The following ADD1 variants were observed in gnomAD, a reference collection of about 807,000 sequenced individuals.
The protein encoded by ADD1 is alpha-adducin.
ADD1 carries 24 observed loss-of-function variants against 80.5 expected under a neutral mutation model. The ratio of observed to expected loss-of-function variants is 0.30; its 90% CI spans 0.22 to 0.42. The LOEUF is 0.42. ADD1 is among the 10% of genes least tolerant of loss of function. The pLI, the probability that ADD1 is intolerant of heterozygous loss-of-function variation, is 1.00. For missense variants in ADD1, 948 were observed against 1,019.0 expected, an observed-to-expected ratio of 0.93 and a Z score of 0.95; for synonymous variants, 373 against 393.8, an observed-to-expected ratio of 0.95 and a Z score of 0.63.
chr4:2,885,101 C>A (rs949272577), intron 4 of ADD1, among the ~76,000 whole-genome samples: 1 of 152,114 alleles, frequency 6.6e-6, no homozygotes, highest in Non-Finnish European at 1.5e-5. Flanking sequence ...TTCTCTGGAC[C>A]AAGCGCTGTT....
intron 5 of ADD1, 57 bp from the exon 6 acceptor site, chr4:2,894,525 A>G (rs1333560773): frequency 4.1e-6 from 6 of 1,461,612 alleles, no homozygotes; most frequent in Non-Finnish European, 4.6e-6. Flanking sequence ...AAAAAAAAAA[A>G]GAAAAGAAAA....
intron 3 of ADD1, among the ~76,000 whole-genome samples, chr4:2,882,989 A>G (rs1577548924): frequency 6.6e-6 from 1 of 152,174 alleles, no homozygotes; most frequent in Non-Finnish European, 1.5e-5. Context: ...AGCCTCCTGA[A>G]TAGCTGAGAT....
chr4:2,903,346 A>G (rs1330617884), intron 9 of ADD1, among the ~76,000 whole-genome samples: 1 of 152,222 alleles, frequency 6.6e-6, no homozygotes, highest in Non-Finnish European at 1.5e-5. Context: ...GTGCTGGGCA[A>G]CAAATCACTA....
chr4:2,915,880 C>T (rs781769254), intron 14 of ADD1, among the ~76,000 whole-genome samples: 6 of 152,100 alleles, frequency 3.9e-5, no homozygotes, highest in South Asian at 2.1e-4. Flanking sequence ...GTGTAAATGA[C>T]GATGTGGAGG....
chr4:2,888,515 A>G (rs937730921), intron 4 of ADD1, among the ~76,000 whole-genome samples: 21 of 151,760 alleles, frequency 1.4e-4, no homozygotes, highest in African/African-American at 4.4e-4. Context: ...TTCCGAGTTC[A>G]GGCAATTCTG....
chr4:2,858,762 G>A (rs1224202712), intron 1 of ADD1, among the ~76,000 whole-genome samples: 1 of 152,208 alleles, frequency 6.6e-6, no homozygotes, highest in Non-Finnish European at 1.5e-5. Context: ...TGAGGTCAGA[G>A]GATCACTTGA....
At chr4:2,911,471 G>C (rs1443289302) in intron 13 of ADD1, among the ~76,000 whole-genome samples, 1 of 139,686 alleles carries the variant, frequency 7.2e-6, no homozygotes, top group Non-Finnish European at 1.5e-5. Context: ...TTTTGAGACA[G>C]GGTCTCACTC....
At chr4:2,857,122 C>T (rs754663564) in intron 1 of ADD1, among the ~76,000 whole-genome samples, 4 of 151,938 alleles carry the variant, frequency 2.6e-5, no homozygotes, top group Non-Finnish European at 5.9e-5. Flanking sequence ...CCATGTTAGC[C>T]AGGCTGGTCT....
At chr4:2,884,476 C>CT (rs1732915623) in intron 3 of ADD1, 39 bp from the exon 4 acceptor site, 1 of 1,557,394 alleles carries the variant, frequency 6.4e-7, no homozygotes. Flanking sequence ...CAGGCGTATA[C>CT]CACTGCACCT....
intron 13 of ADD1, among the ~76,000 whole-genome samples, chr4:2,910,469 T>G (rs1737838937): frequency 6.6e-6 from 1 of 152,234 alleles, no homozygotes. Context: ...TGGAAGAGCT[T>G]CTCAGAGCAG....
Position 2,928,208 on chromosome 4 carries a change from T to C in ADD1, c.2085T>C (p.Asp695=). The C allele has an allele frequency of 6.2e-7, 1 of 1,614,142 alleles. No individual in the cohort carries two copies. The highest frequency in any genetic ancestry group is 8.5e-7 in the Non-Finnish European group (1 of 1,180,030). The change falls in exon 16 of 16, where the codon GAT becomes GAC. Residue 695 remains aspartate, a synonymous_variant. Transcript: ENST00000683351. The part of the protein sequence containing the change: ...VPEPTTGDDS[D]AATFKPTLPD... ...AGCCGACTACTGGAGATGACAGTGA[T>C]GCTGCCACCTTTAAGCCAACTCTCC...
chr4:2,925,203 G>A (rs1740764245), intron 14 of ADD1, among the ~76,000 whole-genome samples: 1 of 152,208 alleles, frequency 6.6e-6, no homozygotes, highest in Admixed American at 6.5e-5. Flanking sequence ...TAGGTGGTAT[G>A]GCGGCCTTTT....
chr4:2,866,698 G>A (rs1729608865), intron 1 of ADD1, among the ~76,000 whole-genome samples: 1 of 152,150 alleles, frequency 6.6e-6, no homozygotes, highest in African/African-American at 2.4e-5. Flanking sequence ...TTTCTGTGCT[G>A]CAATACAGTA....
intron 14 of ADD1, among the ~76,000 whole-genome samples, chr4:2,917,325 A>G (rs1173278233): frequency 2.6e-5 from 4 of 152,172 alleles, no homozygotes; most frequent in African/African-American, 7.2e-5. Context: ...GGCTACATAA[A>G]TGTCTTCTTT....
At position 2,847,240 on chromosome 4, in the gene ADD1, G is replaced by A. The variant is rs576043817; in HGVS notation, c.-21+3216G>A. On this transcript the variant is annotated intron_variant, in intron 1 of 15. Coordinates refer to ENST00000683351, the MANE Select transcript of ADD1 (RefSeq NM_001354761.2). ...GAGTTTGAGACCAGCCTGGACAACA[G>A]TGAAACCTCATCTCTACTAAAAATA... Among the ~76,000 whole-genome samples the A allele has an allele frequency of 1.8e-4, 27 of 151,676 alleles. 1 individual carries two copies. The highest frequency in any genetic ancestry group is 5.8e-4 in the African/African-American group (24 of 41,350).
chr4:2,899,556 G>T, intron 9 of ADD1, 121 bp downstream of exon 9: 1 of 1,096,114 alleles, frequency 9.1e-7, no homozygotes, highest in Non-Finnish European at 1.4e-6. Context: ...CACCTTCAAA[G>T]TCATGAAGAA....
intron 9 of ADD1, chr4:2,900,405 A>C (rs1364053602): frequency 6.6e-6 from 1 of 152,252 alleles, no homozygotes; most frequent in Non-Finnish European, 1.5e-5. Flanking sequence ...GGTCCGTCCT[A>C]ACGCCACATG....
intron 1 of ADD1, among the ~76,000 whole-genome samples, chr4:2,852,275 T>C (rs888931856): frequency 1.5e-5 from 2 of 135,004 alleles, no homozygotes; most frequent in Admixed American, 7.4e-5. Context: ...CCTTCCTTCC[T>C]TCCTTCTTTT....
At chr4:2,883,135 T>G (rs1732652264) in intron 3 of ADD1, among the ~76,000 whole-genome samples, 1 of 152,196 alleles carries the variant, frequency 6.6e-6, no homozygotes, top group Non-Finnish European at 1.5e-5. Flanking sequence ...GTGCTGGGAT[T>G]ACGAACATGA....
Sources: allele counts gnomAD v4.1 joint callset (sites outside exome capture counted in the v4.1 genomes callset), GRCh38; gene constraint gnomAD v4.1.1; transcripts MANE v1.5; gene names NCBI Gene and HGNC (gene_info 2026-07-23, HGNC 2026-07-21).